The following USP6 variants were observed in gnomAD, a reference collection of about 807,000 sequenced individuals.
USP6 encodes ubiquitin specific peptidase 6, also known as ubiquitin carboxyl-terminal hydrolase 6.
Under a neutral mutation model 175.7 loss-of-function variants are expected in USP6, and 128 were observed. The observed-to-expected ratio is 0.73, with a 90% CI of 0.63 to 0.84. USP6 has a LOEUF of 0.84. USP6 is among the 40% of genes least tolerant of loss of function. USP6 has a pLI of 0.00. For synonymous variants in USP6, 562 were observed against 630.6 expected (o/e 0.89, Z 1.63); for missense variants, 1,498 against 1,760.3 (o/e 0.85, Z 2.67).
chr17:5,165,783 A>T (rs1287197529), intron 33 of USP6, among the ~76,000 whole-genome samples: 1 of 152,292 alleles, frequency 6.6e-6, no homozygotes, highest in South Asian at 2.1e-4. Flanking sequence ...GTAGTAGAGG[A>T]TCTAAGCATA....
At chr17:5,144,432 G>A (rs114358688) in intron 25 of USP6, among the ~76,000 whole-genome samples, 1,961 of 151,878 alleles carry the variant, frequency 0.013, 60 homozygotes, top group African/African-American at 0.043. Context: ...ACATCTATGT[G>A]CCTGAAGAAC....
At chr17:5,118,858 G>C (rs2072589737) in intron 2 of USP6, among the ~76,000 whole-genome samples, 1 of 152,178 alleles carries the variant, frequency 6.6e-6, no homozygotes, top group African/African-American at 2.4e-5. Flanking sequence ...GACTGAGTCT[G>C]GGGTCTTTAT....
intron 30 of USP6, among the ~76,000 whole-genome samples, chr17:5,154,052 T>G (rs910738240): frequency 6.6e-6 from 1 of 152,238 alleles, no homozygotes; most frequent in African/African-American, 2.4e-5. Context: ...AGAAATTCCT[T>G]AATGAGAGGA....
rs146395567 is a variant in USP6, at chr17:5,162,935, A to G, written c.2967A>G (p.Gly989=). 9.6e-4 allele frequency: 1,547 copies of G among 1,608,082 alleles called. No individual in the cohort carries two copies. The highest frequency in any genetic ancestry group is 1.2e-3 in the Non-Finnish European group (1,449 of 1,178,730). ...GTGGGGAAGACAGAGCTTTCATTGG[A>G]AATGCCTATATTGCTGTGGATTGGC... is the stretch of plus-strand genomic sequence containing the variant. ...IDCGEDRAFI[G]NAYIAVDWHP... The change falls in exon 33 of 38, where the codon GGA becomes GGG. Residue 989 remains glycine (G), a synonymous_variant. Transcript: ENST00000574788.
In USP6 at chr17:5,132,145, G is replaced by C; in HGVS notation, c.156-251G>C. On this transcript the variant is annotated intron_variant, in intron 11 of 37. Transcript: ENST00000574788. This position sits in a 1 kb window ranked among gnomAD's most constrained non-coding sequence, Gnocchi z 4.7. ...AGGATGGGCAGCCCCACTGTGGCCT[G>C]ACCACCCCCCATGCCAGGGGCCCCA... 7.1e-7 allele frequency: 1 copy of C among 1,410,778 alleles called. No individual in the cohort carries two copies. Among genetic ancestry groups the C allele is most frequent in the Non-Finnish European group, 9.5e-7 (1 of 1,052,938 alleles). The allele number at this position is 1,410,778 out of a possible 1,614,324, so 87.4% of individuals were successfully genotyped here.
chr17:5,124,288 G>C (rs1427771820), intron 4 of USP6, among the ~76,000 whole-genome samples: 1 of 152,182 alleles, frequency 6.6e-6, no homozygotes, highest in African/African-American at 2.4e-5. Flanking sequence ...ATGCAATGAG[G>C]TTGGGCGGTA....
At chr17:5,135,172 A>T in intron 15 of USP6, 62 bp from the exon 16 acceptor site, 1 of 1,567,954 alleles carries the variant, frequency 6.4e-7, no homozygotes, top group African/African-American at 1.4e-5. Flanking sequence ...GGATTTGTAG[A>T]CAAAGTGAAA....
rs2072546947 is a variant in USP6 at position 5,116,702 on chromosome 17, G to A, written c.-1966G>A. ...ACCGCCAAGACCGCTTTCGAGTCGG[G>A]CCGACCGGAATTTGAATTCGTTTCT... On this transcript the variant is annotated 5_prime_UTR_variant, in exon 1 of 38. Transcript: ENST00000574788. 6.6e-6 allele frequency: 1 copy of A among 152,264 alleles called. No homozygotes were observed. Among genetic ancestry groups the A allele is most frequent in the Non-Finnish European group, 1.5e-5 (1 of 68,060 alleles). The allele number at this position is 152,264 out of a possible 1,614,324, so 9.4% of individuals were successfully genotyped here.
chr17:5,173,073 TGTA>T lies in USP6; in HGVS notation c.*98_*100del, dbSNP rs1007020491. On this transcript the variant is annotated 3_prime_UTR_variant, in exon 38 of 38. Transcript: ENST00000574788. ...AAGTGTCACTGAAAGACAAGCTAAA[TGTA>T]GTTATTTTATCCTGTTAGAACAAAA... 1.2e-5 allele frequency: 17 copies of T among 1,448,008 alleles called. No homozygotes were observed. In the African/African-American group the frequency reaches 2.4e-4, roughly 21 times the overall value. The allele number at this position is 1,448,008 out of a possible 1,614,324, so 89.7% of individuals were successfully genotyped here. A position where few individuals can be genotyped will look rare whatever the true frequency, so the allele number is the denominator to read the frequency against.
chr17:5,123,565 C>T (rs1421479888), intron 4 of USP6, among the ~76,000 whole-genome samples: 1 of 152,162 alleles, frequency 6.6e-6, no homozygotes. Flanking sequence ...CACTCACTCG[C>T]ACTCACACCG....
At position 5,139,355 on chromosome 17, in the gene USP6, A is replaced by G. The variant is rs776561537; in HGVS notation, c.1179A>G (p.Pro393=). 1.2e-6 allele frequency: 2 copies of G among 1,612,908 alleles called. No homozygotes were observed. Residue 393 remains proline, a synonymous_variant, in exon 22 of 38, where the codon CCA becomes CCG. Transcript: ENST00000574788. ...KGYRQAPPGP[P]AQFQRPICSA... ...ATAGGCAGGCCCCTCCAGGCCCACC[A>G]GCCCAGTTCCAGCGGCCCATTTGCT...
In USP6 at chr17:5,173,522, C is replaced by G. The variant is rs980281650; in HGVS notation, c.*544C>G. 1 of 219,336 alleles carries G rather than the reference C, an allele frequency of 4.6e-6. No homozygotes were observed. Among genetic ancestry groups the G allele is most frequent in the African/African-American group, 2.2e-5 (1 of 44,514 alleles). The allele number at this position is 219,336 out of a possible 1,614,324, so 13.6% of individuals were successfully genotyped here. On this transcript the variant is annotated 3_prime_UTR_variant, in exon 38 of 38. Transcript: ENST00000574788. ...TTTATTTTTTAAACTGTTTCCATACCCTTTCTTTTTCTTGCTTTTTGTTTT... is the reference window on the plus strand; with the variant it reads ...TTTATTTTTTAAACTGTTTCCATACGCTTTCTTTTTCTTGCTTTTTGTTTT...
chr17:5,168,037 G>A lies in USP6; in HGVS notation c.3142G>A (p.Glu1048Lys), dbSNP rs1208119274. Residue 1048 changes from glutamate (E) to lysine (K), a missense_variant, in exon 34 of 38, where the codon GAA becomes AAA. This residue lies in a region of USP6 where 1,217 missense variants were observed against 1,500.8 expected (regional missense o/e 0.81). Transcript: ENST00000574788. ...RAFTSEEELGESEMYYCSKCK... is the reference protein window; with the variant it reads ...RAFTSEEELGKSEMYYCSKCK... ...TTTCACCAGTGAGGAAGAGCTAGGG[G>A]AAAGTGAGATGTACTACTGTTCCAA... is the stretch of plus-strand genomic sequence containing the variant. 6.2e-7 allele frequency: 1 copy of A among 1,612,018 alleles called. No individual in the cohort carries two copies. The highest frequency in any genetic ancestry group is 2.2e-5 in the East Asian group (1 of 44,880).
intron 31 of USP6, among the ~76,000 whole-genome samples, chr17:5,158,630 A>G (rs1416013914): frequency 1.7e-5 from 2 of 118,924 alleles, no homozygotes; most frequent in African/African-American, 3.3e-5. Flanking sequence ...AGAGAGAGAG[A>G]GAGAGAGAGA....
Position 5,132,412 on chromosome 17 carries a change from C to T in USP6, c.172C>T (p.Pro58Ser). The T allele has an allele frequency of 6.2e-7, 1 of 1,612,164 alleles. No individual in the cohort carries two copies. Among genetic ancestry groups the T allele is most frequent in the Non-Finnish European group, 8.5e-7 (1 of 1,179,852 alleles). Residue 58 changes from proline to serine, a missense_variant, in exon 12 of 38, where the codon CCT (proline) becomes TCT (serine). By Grantham distance (74) the Pro-to-Ser change is moderately conservative (BLOSUM62 -1). Transcript: ENST00000574788. This position sits in a 1 kb window ranked among gnomAD's most constrained non-coding sequence, Gnocchi z 4.7. ...FGILHETELP[P>S]VTAREAKKIR... is the part of the protein sequence containing the mutation. ...GCCTTACAGTGAGACGGAGCTGCCT[C>T]CTGTGACTGCACGGGAGGCGAAGGT...
intron 30 of USP6, among the ~76,000 whole-genome samples, chr17:5,151,263 A>G (rs2073762588): frequency 6.6e-6 from 1 of 152,238 alleles, no homozygotes; most frequent in Admixed American, 6.5e-5. Flanking sequence ...ATGACACATA[A>G]GACATCTATA....
chr17:5,133,873 G>A lies in USP6; in HGVS notation c.385-14G>A, dbSNP rs201007416. 2.8e-5 allele frequency: 45 copies of A among 1,613,248 alleles called. No homozygotes were observed. In the East Asian group the frequency reaches 9.6e-4, roughly 34 times the overall value. On this transcript the variant is annotated splice_polypyrimidine_tract_variant and intron_variant, in intron 14 of 37. Transcript: ENST00000574788. ...GTTCTGAGGCTGCTTCCTCCTCTTG[G>A]CCCTGCCCTACAGATCATGAAGGAG...
chr17:5,142,639 CA>C, intron 25 of USP6, 137 bp downstream of exon 25: 2 of 1,349,524 alleles, frequency 1.5e-6, no homozygotes, highest in South Asian at 3.7e-5. Context: ...AACAAGAGGC[CA>C]AATTCTTTTG....
chr17:5,121,942 G>T (rs548892771), intron 4 of USP6, among the ~76,000 whole-genome samples, 192 bp downstream of exon 4: 13 of 152,192 alleles, frequency 8.5e-5, no homozygotes, highest in Non-Finnish European at 1.9e-4. Context: ...AAAGCGTCTG[G>T]ATTAGATCAC....
Sources: allele counts gnomAD v4.1 joint callset (sites outside exome capture counted in the v4.1 genomes callset), GRCh38; gene constraint gnomAD v4.1.1; regional missense constraint gnomAD v4.1.1; non-coding constraint Gnocchi (gnomAD v3.1); transcripts MANE v1.5; gene names NCBI Gene and HGNC (gene_info 2026-07-23, HGNC 2026-07-21).